Variants in TRPM3 observed in about 807,000 individuals in gnomAD.
The protein encoded by TRPM3 is transient receptor potential cation channel subfamily M member 3, also known as long transient receptor potential channel 3.
Under a neutral mutation model 181.2 loss-of-function variants are expected in TRPM3, and 77 were observed. The ratio of observed to expected loss-of-function variants is 0.42; its 90% CI spans 0.35 to 0.51. TRPM3 has a LOEUF of 0.51. Ranked by LOEUF, TRPM3 falls within the 20% of genes least tolerant of loss-of-function variation. TRPM3 has a pLI of 0.01. For missense variants in TRPM3, 1,759 were observed against 2,196.7 expected, an observed-to-expected ratio of 0.80 and a Z score of 3.98; for synonymous variants, 745 against 796.4, an observed-to-expected ratio of 0.94 and a Z score of 1.09.
In TRPM3 at chr9:70,861,029, G is replaced by A. The variant is rs532213050; in HGVS notation, c.462+1879C>T. Among the ~76,000 whole-genome samples the A allele has an allele frequency of 2.0e-4, 31 of 152,102 alleles. No homozygotes were observed. In the South Asian group the frequency reaches 4.6e-3, roughly 22 times the overall value. ...TCTAAATCCACAATCTACATTCTTC[G>A]CTTCTAACCTCCTAATACTGATACT... On this transcript the variant is annotated intron_variant, in intron 3 of 25. Coordinates refer to ENST00000677713, the MANE Select transcript of TRPM3 (RefSeq NM_001366145.2).
intron 1 of TRPM3, among the ~76,000 whole-genome samples, chr9:71,044,965 C>T (rs1400222984): frequency 6.6e-6 from 1 of 152,280 alleles, no homozygotes. Flanking sequence ...ACCACAGCGC[C>T]CGGCCATTTC....
chr9:70,759,692 A>G (rs1006492048), intron 8 of TRPM3, among the ~76,000 whole-genome samples: 4 of 152,194 alleles, frequency 2.6e-5, no homozygotes, highest in Non-Finnish European at 5.9e-5. Context: ...AGGGACATGG[A>G]TGAAGCTGGA....
chr9:71,429,600 C>T (rs186692439), intron 1 of TRPM3, among the ~76,000 whole-genome samples: 3 of 152,328 alleles, frequency 2.0e-5, no homozygotes, highest in East Asian at 3.9e-4. Flanking sequence ...AAAGGCCAAA[C>T]TACATCATCC....
chr9:71,200,931 T>G (rs28778672), intron 1 of TRPM3, among the ~76,000 whole-genome samples: 60,171 of 146,176 alleles, frequency 0.41, 12,263 homozygotes, highest in East Asian at 0.5. Context: ...GTTAGCTGGT[T>G]ATTTTGCTCG....
intron 1 of TRPM3, among the ~76,000 whole-genome samples, chr9:71,245,608 G>T (rs529196281): frequency 2.0e-5 from 3 of 152,114 alleles, no homozygotes; most frequent in Admixed American, 6.6e-5. Flanking sequence ...TAGTAAGGAC[G>T]TACAAGTGGG....
intron 11 of TRPM3, among the ~76,000 whole-genome samples, chr9:70,638,357 T>A (rs1262038428): frequency 2.6e-5 from 4 of 152,212 alleles, no homozygotes; most frequent in Admixed American, 2.6e-4. Context: ...ACAAATGGAC[T>A]AAGACAGCCT....
At chr9:71,396,144 G>T (rs1359963086) in intron 1 of TRPM3, among the ~76,000 whole-genome samples, 1 of 152,050 alleles carries the variant, frequency 6.6e-6, no homozygotes, top group African/African-American at 2.4e-5. Flanking sequence ...GTTTGTAAAT[G>T]GTTTTCTGCT....
intron 1 of TRPM3, among the ~76,000 whole-genome samples, chr9:71,014,659 T>A (rs113762060): frequency 6.6e-6 from 1 of 152,182 alleles, no homozygotes; most frequent in African/African-American, 2.4e-5. Context: ...AAGATGGCAA[T>A]TGCTGATTCC....
intron 1 of TRPM3, among the ~76,000 whole-genome samples, chr9:71,286,564 C>T (rs11142780): frequency 1.3e-5 from 2 of 151,958 alleles, no homozygotes; most frequent in Non-Finnish European, 2.9e-5. Flanking sequence ...TCACTGGAAT[C>T]AGGAAATAAC....
intron 1 of TRPM3, among the ~76,000 whole-genome samples, chr9:71,278,270 A>T (rs1035728174): frequency 6.6e-6 from 1 of 152,246 alleles, no homozygotes; most frequent in Non-Finnish European, 1.5e-5. Context: ...CAACCTTTGT[A>T]GAGGTGATAA....
intron 1 of TRPM3, among the ~76,000 whole-genome samples, chr9:70,880,089 A>G (rs1178957762): frequency 6.6e-6 from 1 of 152,160 alleles, no homozygotes; most frequent in Non-Finnish European, 1.5e-5. Context: ...CATTTGAAGG[A>G]TAAGGGGTCC....
chr9:71,233,583 A>G (rs1323225254), intron 1 of TRPM3, among the ~76,000 whole-genome samples: 1 of 152,238 alleles, frequency 6.6e-6, no homozygotes, highest in Non-Finnish European at 1.5e-5. Context: ...AGCCTTGATG[A>G]CTTTAGAAAA....
At chr9:71,413,556 T>G (rs922989304) in intron 1 of TRPM3, among the ~76,000 whole-genome samples, 4 of 152,124 alleles carry the variant, frequency 2.6e-5, no homozygotes, top group African/African-American at 9.7e-5. Context: ...TAGTGCTTAC[T>G]GAATACTATG....
chr9:71,147,827 C>T (rs1427470804), intron 1 of TRPM3, among the ~76,000 whole-genome samples: 4 of 152,094 alleles, frequency 2.6e-5, no homozygotes, highest in African/African-American at 4.8e-5. Flanking sequence ...CTGGGGGAAG[C>T]GACAATGCAA....
At chr9:70,696,282 T>C (rs2070401890) in intron 8 of TRPM3, among the ~76,000 whole-genome samples, 1 of 152,204 alleles carries the variant, frequency 6.6e-6, no homozygotes, top group African/African-American at 2.4e-5. Flanking sequence ...TTCAGGTTAG[T>C]CACGGAAGGA....
At chr9:70,938,007 G>C (rs1021012233) in intron 1 of TRPM3, among the ~76,000 whole-genome samples, 2 of 152,162 alleles carry the variant, frequency 1.3e-5, no homozygotes, top group Non-Finnish European at 2.9e-5. Flanking sequence ...CAGTTCCTCA[G>C]TATATCCTGT....
At chr9:70,874,004 T>C (rs1322058902) in intron 1 of TRPM3, among the ~76,000 whole-genome samples, 4 of 152,000 alleles carry the variant, frequency 2.6e-5, no homozygotes, top group African/African-American at 9.7e-5. Flanking sequence ...TTATAGCCTC[T>C]AAACTTAAAT....
intron 7 of TRPM3, among the ~76,000 whole-genome samples, chr9:70,782,766 TA>T (rs930899555): frequency 2.0e-5 from 3 of 151,832 alleles, no homozygotes; most frequent in African/African-American, 4.8e-5. Flanking sequence ...TTAGAGTTTA[TA>T]AAAATTATTA....
At chr9:70,956,619 T>TA (rs566068264) in intron 1 of TRPM3, among the ~76,000 whole-genome samples, 23 of 152,150 alleles carry the variant, frequency 1.5e-4, no homozygotes, top group Non-Finnish European at 3.2e-4. Flanking sequence ...GGCATGGTAA[T>TA]ACGCCTGTAA....
Sources: gnomAD v4.1 joint callset for allele counts (sites outside exome capture counted in the v4.1 genomes callset) on GRCh38, gnomAD v4.1.1 for gene constraint, MANE v1.5 for transcripts, NCBI Gene and HGNC (gene_info 2026-07-23, HGNC 2026-07-21) for gene names.